Variants in ASNS observed in about 807,000 individuals in gnomAD.
The protein encoded by ASNS is asparagine synthetase (glutamine-hydrolyzing).
A neutral mutation model predicts 62.6 loss-of-function variants in ASNS; 37 were observed. That is an observed-to-expected ratio of 0.59 (90% CI 0.45 to 0.78). The LOEUF is 0.78. Ranked by LOEUF, ASNS falls within the 30% of genes least tolerant of loss-of-function variation. The pLI, the probability that ASNS is intolerant of heterozygous loss-of-function variation, is 0.00. For synonymous variants in ASNS, 207 were observed against 237.9 expected (o/e 0.87, Z 1.19); for missense variants, 520 against 682.4 (o/e 0.76, Z 2.65).
chr7:97,926,356 G>A, the ASNS span, among the ~76,000 whole-genome samples: 4 of 152,140 alleles, frequency 2.6e-5, no homozygotes, highest in Non-Finnish European at 4.4e-5. Context: ...ATTAAAGAAT[G>A]AGGATGGTTT....
chr7:97,884,136 G>A, the ASNS span, among the ~76,000 whole-genome samples: 1 of 152,162 alleles, frequency 6.6e-6, no homozygotes, highest in South Asian at 2.1e-4. Context: ...GACCACTCGT[G>A]TGAAGTTTCC....
intron 12 of ASNS, among the ~76,000 whole-genome samples, 173 bp downstream of exon 12, chr7:97,852,887 C>G (rs1791250950): frequency 6.6e-6 from 1 of 152,114 alleles, no homozygotes; most frequent in Admixed American, 6.5e-5. Flanking sequence ...CTGAATCTCT[C>G]TGATAGGGAC....
At chr7:97,903,574 TAGTC>T in the ASNS span, among the ~76,000 whole-genome samples, 46 of 152,306 alleles carry the variant, frequency 3.0e-4, no homozygotes, top group African/African-American at 1.0e-3. Context: ...CAGCCTCTGA[TAGTC>T]AGGCTGTTGC....
the ASNS span, among the ~76,000 whole-genome samples, chr7:97,882,994 T>G: frequency 0.24 from 37,235 of 152,132 alleles, 4,961 homozygotes; most frequent in Non-Finnish European, 0.29. Flanking sequence ...AAGTGTGCTT[T>G]TTGCTGGGAT....
At chr7:97,917,458 G>A in the ASNS span, among the ~76,000 whole-genome samples, 1 of 152,206 alleles carries the variant, frequency 6.6e-6, no homozygotes, top group South Asian at 2.1e-4. Flanking sequence ...TAAACAGAGG[G>A]TCACCTGGCA....
chr7:97,927,817 A>C, the ASNS span, among the ~76,000 whole-genome samples: 1 of 146,694 alleles, frequency 6.8e-6, no homozygotes, highest in East Asian at 2.1e-4. Context: ...CTCTGAATGC[A>C]GTAACGTGCA....
intron 3 of ASNS, among the ~76,000 whole-genome samples, chr7:97,867,311 G>A (rs1473748823): frequency 7.6e-6 from 1 of 130,726 alleles, no homozygotes; most frequent in South Asian, 2.3e-4. Flanking sequence ...AGGAGGTGTG[G>A]GGGGGATTTC....
chr7:97,922,846 C>T, the ASNS span, among the ~76,000 whole-genome samples: 2 of 152,162 alleles, frequency 1.3e-5, no homozygotes, highest in African/African-American at 4.8e-5. Context: ...GGCTGAAGTG[C>T]AGTGGTGTGA....
chr7:97,863,253 A>G (rs1459067384), intron 4 of ASNS: 1 of 152,250 alleles, frequency 6.6e-6, no homozygotes, highest in African/African-American at 2.4e-5. Flanking sequence ...ACAAGCGAAT[A>G]AACAAAATGC....
the ASNS span, among the ~76,000 whole-genome samples, chr7:97,916,406 T>C: frequency 6.6e-6 from 1 of 152,028 alleles, no homozygotes; most frequent in African/African-American, 2.4e-5. Context: ...GAAAAAAGAA[T>C]GACACAGAAT....
At chr7:97,890,636 A>T in the ASNS span, among the ~76,000 whole-genome samples, 1 of 152,166 alleles carries the variant, frequency 6.6e-6, no homozygotes, top group African/African-American at 2.4e-5. Flanking sequence ...AATTCCAGAG[A>T]CTCAAAAGGC....
the ASNS span, chr7:97,898,990 A>G: frequency 1.2e-5 from 9 of 736,034 alleles, no homozygotes; most frequent in African/African-American, 1.2e-4. Flanking sequence ...AGTCTTTCCA[A>G]TATTTCTTAT....
At chr7:97,913,586 C>G in the ASNS span, among the ~76,000 whole-genome samples, 2 of 152,010 alleles carry the variant, frequency 1.3e-5, no homozygotes, top group Non-Finnish European at 2.9e-5. Context: ...CTCACTATAT[C>G]TGCAAGAGTA....
the ASNS span, among the ~76,000 whole-genome samples, chr7:97,926,759 C>T: frequency 6.6e-6 from 1 of 152,212 alleles, no homozygotes; most frequent in African/African-American, 2.4e-5. Context: ...TCCTTCAGGT[C>T]ATGCGATTCC....
chr7:97,889,927 C>CAAAAAAAAAAAA, the ASNS span, among the ~76,000 whole-genome samples: 532 of 38,586 alleles, frequency 0.014, 1 homozygote, highest in Middle Eastern at 0.083. Flanking sequence ...ATAATGAATA[C>CAAAAAAAAAAAA]AAAAAAAAAA....
chr7:97,917,209 T>C, the ASNS span, among the ~76,000 whole-genome samples: 58 of 120,150 alleles, frequency 4.8e-4, 1 homozygote, highest in East Asian at 0.013. Context: ...ATGGGATATA[T>C]TTGCACCAAA....
the ASNS span, among the ~76,000 whole-genome samples, chr7:97,922,535 T>C: frequency 3.3e-5 from 5 of 150,462 alleles, no homozygotes; most frequent in African/African-American, 1.3e-4. Flanking sequence ...CTATAGTTAA[T>C]AACAACATAA....
upstream of ASNS, among the ~76,000 whole-genome samples, chr7:97,876,818 T>G (rs1792447661): frequency 6.6e-6 from 1 of 152,174 alleles, no homozygotes; most frequent in African/African-American, 2.4e-5. Context: ...GATCTATCCC[T>G]GAAGGAACAG....
At chr7:97,925,178 C>T in the ASNS span, among the ~76,000 whole-genome samples, 1,386 of 103,710 alleles carry the variant, frequency 0.013, no homozygotes, top group East Asian at 0.048. Flanking sequence ...CCAGCATTTT[C>T]CATGTACTGT....
Sources: allele counts gnomAD v4.1 joint callset (sites outside exome capture counted in the v4.1 genomes callset), GRCh38; gene constraint gnomAD v4.1.1; transcripts MANE v1.5; gene names NCBI Gene and HGNC (gene_info 2026-07-23, HGNC 2026-07-21).